TMSB15B: variants seen among roughly 807,000 people sequenced by gnomAD.
The protein encoded by TMSB15B is thymosin beta-15B.
intron 1 of TMSB15B, among the ~76,000 whole-genome samples, chrX:103,936,640 G>C (rs184996492): frequency 5.3e-4 from 59 of 111,677 alleles, no homozygotes; most frequent in African/African-American, 1.6e-3. Flanking sequence ...CGCTTTATTG[G>C]TTTCTCTTGC....
intron 1 of TMSB15B, among the ~76,000 whole-genome samples, chrX:103,949,264 G>A (rs1166153307): frequency 1.8e-5 from 2 of 111,996 alleles, no homozygotes; most frequent in East Asian, 5.6e-4. Context: ...GTGGAATACG[G>A]TGTCTTTGCA....
At chrX:103,945,637 A>G (rs2075023616) in intron 1 of TMSB15B, among the ~76,000 whole-genome samples, 1 of 112,083 alleles carries the variant, frequency 8.9e-6, no homozygotes, top group African/African-American at 3.2e-5. Context: ...GTGGGCACAA[A>G]CCATATTCAA....
At chrX:103,946,206 A>G (rs2075025129) in intron 1 of TMSB15B, among the ~76,000 whole-genome samples, 1 of 112,221 alleles carries the variant, frequency 8.9e-6, no homozygotes, top group South Asian at 3.8e-4. Flanking sequence ...CAAAGGACCA[A>G]TGATGGATGG....
intron 1 of TMSB15B, among the ~76,000 whole-genome samples, chrX:103,935,981 G>T (rs1266174047): frequency 1.0e-4 from 11 of 108,060 alleles, no homozygotes; most frequent in African/African-American, 3.4e-4. Context: ...CAAGAAGCTG[G>T]GATTACAGGC....
intron 1 of TMSB15B, among the ~76,000 whole-genome samples, chrX:103,939,164 G>A (rs1246158197): frequency 5.4e-5 from 6 of 110,968 alleles, no homozygotes; most frequent in Non-Finnish European, 1.1e-4. Flanking sequence ...GTATCTTTGT[G>A]GTGTTCTTTC....
chrX:103,936,034 T>C (rs1227721021), intron 1 of TMSB15B, among the ~76,000 whole-genome samples: 3 of 109,262 alleles, frequency 2.7e-5, no homozygotes, highest in African/African-American at 1.0e-4. Context: ...TTAGTAGAGA[T>C]GGGGTTTCTC....
At chrX:103,922,208 A>T (rs1556317937) in intron 1 of TMSB15B, among the ~76,000 whole-genome samples, 2 of 106,049 alleles carry the variant, frequency 1.9e-5, no homozygotes, top group African/African-American at 6.9e-5. Context: ...TTATTTATTT[A>T]TTTTTTATTA....
At chrX:103,940,519 C>T (rs1424454933) in intron 1 of TMSB15B, among the ~76,000 whole-genome samples, 1 of 111,276 alleles carries the variant, frequency 9.0e-6, no homozygotes. Flanking sequence ...CCACCAAGAT[C>T]GAGCATCTCA....
chrX:103,919,540 A>G (rs2074945239), intron 1 of TMSB15B: 1 of 111,918 alleles, frequency 8.9e-6, no homozygotes. Flanking sequence ...TGCCCACTTA[A>G]CAGGAAAGGA....
intron 1 of TMSB15B, among the ~76,000 whole-genome samples, chrX:103,927,868 C>T (rs1203577904): frequency 9.0e-6 from 1 of 111,170 alleles, no homozygotes; most frequent in African/African-American, 3.3e-5. Flanking sequence ...TCCAGAAAAA[C>T]CGATTGCCTT....
rs138888252 is a variant in TMSB15B, at chrX:103,952,822, G to A, written c.-720-9199G>A. Among the ~76,000 whole-genome samples, 346 of 111,479 alleles carry A rather than the reference G, an allele frequency of 3.1e-3. 1 individual carries two copies. The highest frequency in any genetic ancestry group is 0.011 in the African/African-American group (334 of 30,593). On this transcript the variant is annotated intron_variant, in intron 1 of 3. Coordinates refer to the TMSB15B transcript ENST00000419165. ...TTGTCAACCCCAAGGGATGTGGGGG[G>A]TGTGGTCTTAGACTTGGATCACTGG...
intron 1 of TMSB15B, among the ~76,000 whole-genome samples, chrX:103,943,036 CA>C (rs2075016603): frequency 1.8e-5 from 2 of 111,340 alleles, no homozygotes; most frequent in Admixed American, 1.9e-4. Flanking sequence ...AAGTAAACAG[CA>C]AACCTTAAAA....
chrX:103,941,950 C>T (rs1462009221), intron 1 of TMSB15B, among the ~76,000 whole-genome samples: 7 of 106,821 alleles, frequency 6.6e-5, no homozygotes, highest in Non-Finnish European at 1.0e-4. Context: ...AGACATTTGC[C>T]ATTTTTTCCT....
At chrX:103,931,943 C>T (rs2074985928) in intron 1 of TMSB15B, 1 of 111,567 alleles carries the variant, frequency 9.0e-6, no homozygotes, top group Admixed American at 9.5e-5. Context: ...TCCATAAAAT[C>T]CCCAAGGAAC....
At chrX:103,936,262 A>T (rs2074997553) in intron 1 of TMSB15B, among the ~76,000 whole-genome samples, 1 of 112,014 alleles carries the variant, frequency 8.9e-6, no homozygotes, top group South Asian at 3.7e-4. Flanking sequence ...TTTTCATGAT[A>T]TTGACTCTTC....
rs140346134 is a variant in TMSB15B, at chrX:103,928,121, A to G, written c.-721+8829A>G. ...CATGGGGGAGCAGAACCACTCTCCCAGGAAGGAGCTTCAGCACAGAACACA... is the reference window on the plus strand; with the variant it reads ...CATGGGGGAGCAGAACCACTCTCCCGGGAAGGAGCTTCAGCACAGAACACA... On this transcript the variant is annotated intron_variant, in intron 1 of 3. Transcript: ENST00000419165. The G allele has an allele frequency of 4.6e-3, 5,234 of 1,127,061 alleles. 157 individuals carry two copies. The African/African-American group carries it at 0.081, about 17-fold the overall frequency. 92.9% of individuals were successfully genotyped at this position (1,127,061 alleles called of 1,213,427 possible).
intron 1 of TMSB15B, among the ~76,000 whole-genome samples, chrX:103,926,865 C>T (rs1407791190): frequency 9.2e-6 from 1 of 108,677 alleles, no homozygotes; most frequent in Non-Finnish European, 1.9e-5. Context: ...TCCAGCCTGG[C>T]CATCATGTCC....
chrX:103,945,132 T>A (rs2075022116), intron 1 of TMSB15B, among the ~76,000 whole-genome samples: 1 of 113,056 alleles, frequency 8.8e-6, no homozygotes, highest in African/African-American at 3.2e-5. Flanking sequence ...TCTTCACATT[T>A]TGTAAATTCC....
intron 1 of TMSB15B, among the ~76,000 whole-genome samples, chrX:103,945,056 G>T (rs2075021853): frequency 8.9e-6 from 1 of 112,783 alleles, no homozygotes; most frequent in Non-Finnish European, 1.9e-5. Flanking sequence ...GGGATTACAG[G>T]CGTGAGCCAC....
Sources: gnomAD v4.1 joint callset for allele counts (sites outside exome capture counted in the v4.1 genomes callset) on GRCh38, gnomAD v4.1.1 for gene constraint, MANE v1.5 for transcripts, NCBI Gene and HGNC (gene_info 2026-07-23, HGNC 2026-07-21) for gene names.